Variants in CCDC3 observed in about 807,000 individuals in gnomAD.
The protein encoded by CCDC3 is coiled-coil domain containing 3.
CCDC3 carries 24 observed loss-of-function variants against 21.4 expected under a neutral mutation model. The ratio of observed to expected loss-of-function variants is 1.12; its 90% CI spans 0.81 to 1.58. CCDC3 has a LOEUF of 1.58. CCDC3 is among the 40% of genes most tolerant of loss of function. The pLI, the probability that CCDC3 is intolerant of heterozygous loss-of-function variation, is 0.00. For missense variants in CCDC3, 425 were observed against 360.9 expected, an observed-to-expected ratio of 1.18 and a Z score of -1.44; for synonymous variants, 186 against 166.0, an observed-to-expected ratio of 1.12 and a Z score of -0.93.
chr10:13,088,289 A>T (rs964663031), intron 3 of CCDC3, among the ~76,000 whole-genome samples: 7 of 151,922 alleles, frequency 4.6e-5, no homozygotes, highest in Admixed American at 2.0e-4. Context: ...GAGAAGGATA[A>T]AAAAAAATTA....
At chr10:12,985,957 G>A (rs1835583277) in intron 2 of CCDC3, among the ~76,000 whole-genome samples, 1 of 152,164 alleles carries the variant, frequency 6.6e-6, no homozygotes, top group East Asian at 1.9e-4. Flanking sequence ...CTCACTGCAA[G>A]CTCCGCCTCC....
At chr10:12,984,567 A>T (rs780638081) in intron 2 of CCDC3, among the ~76,000 whole-genome samples, 3 of 152,172 alleles carry the variant, frequency 2.0e-5, no homozygotes, top group Non-Finnish European at 4.4e-5. Flanking sequence ...TTACACACCC[A>T]TGAAAAATGA....
chr10:13,008,079 T>G (rs910925754), intron 5 of CCDC3, among the ~76,000 whole-genome samples: 5 of 152,014 alleles, frequency 3.3e-5, no homozygotes, highest in African/African-American at 1.2e-4. Flanking sequence ...GCCTGTCATG[T>G]GGTCTCAGGC....
At chr10:13,013,926 G>C (rs372520874) in intron 5 of CCDC3, among the ~76,000 whole-genome samples, 3 of 151,952 alleles carry the variant, frequency 2.0e-5, no homozygotes, top group East Asian at 3.9e-4. Context: ...CGAGGCAGGG[G>C]GATCACTTGA....
At chr10:13,006,403 T>C (rs1243947768), upstream of CCDC3, among the ~76,000 whole-genome samples, 1 of 152,210 alleles carries the variant, frequency 6.6e-6, no homozygotes, top group African/African-American at 2.4e-5. Context: ...ATTAAGTTCA[T>C]AGTAGTCTTC....
intron 2 of CCDC3, among the ~76,000 whole-genome samples, chr10:12,956,591 G>T (rs946612911): frequency 2.0e-5 from 3 of 152,162 alleles, no homozygotes; most frequent in African/African-American, 4.8e-5. Flanking sequence ...TCTTTTGCCT[G>T]GAGCTTCTGT....
intron 2 of CCDC3, among the ~76,000 whole-genome samples, chr10:12,910,950 T>C (rs147972421): frequency 1.6e-4 from 24 of 152,342 alleles, no homozygotes; most frequent in African/African-American, 5.3e-4. Context: ...CCCCAGTGCA[T>C]AGTTGCGGCC....
intron 2 of CCDC3, among the ~76,000 whole-genome samples, chr10:12,913,894 A>G: frequency 6.6e-6 from 1 of 152,210 alleles, no homozygotes; most frequent in Admixed American, 6.5e-5. Context: ...TTTATAGATT[A>G]GTGTATGTTG....
intron 5 of CCDC3, among the ~76,000 whole-genome samples, chr10:13,007,137 A>C (rs1426206939): frequency 2.0e-5 from 3 of 152,196 alleles, no homozygotes; most frequent in Non-Finnish European, 2.9e-5. Flanking sequence ...GAGATGTTCA[A>C]GGATGCAGTA....
intron 3 of CCDC3, among the ~76,000 whole-genome samples, chr10:13,074,322 C>A (rs1588415879): frequency 1.6e-5 from 2 of 123,634 alleles, no homozygotes; most frequent in African/African-American, 3.1e-5. Flanking sequence ...CATATCCCGG[C>A]TAATTTTTTT....
rs574091086 is a variant in CCDC3 at position 13,015,443 on chromosome 10, C to T, written c.-1-16931G>A. ...ACTACCCTGGGTCTTCTGGCATTGA[C>T]GATGGGAGAGCTGCCAGTCATCACA... On this transcript the variant is annotated intron_variant, in intron 5 of 6. Coordinates refer to the CCDC3 transcript ENST00000378839. 2.6e-5 allele frequency among the ~76,000 whole-genome samples: 4 copies of T among 152,142 alleles called. No individual in the cohort carries two copies. The East Asian group carries it at 5.8e-4, about 22-fold the overall frequency.
intron 2 of CCDC3, among the ~76,000 whole-genome samples, chr10:12,909,365 T>A (rs931432129): frequency 7.9e-5 from 12 of 152,172 alleles, no homozygotes; most frequent in African/African-American, 2.9e-4. Flanking sequence ...CCTGATGATG[T>A]TATCTTCTCC....
chr10:13,010,815 C>A (rs1253351286), intron 5 of CCDC3, among the ~76,000 whole-genome samples: 1 of 152,188 alleles, frequency 6.6e-6, no homozygotes, highest in Non-Finnish European at 1.5e-5. Flanking sequence ...ATGCATGAAT[C>A]AGGTGACAGA....
At chr10:12,974,619 T>C (rs1302695445) in intron 2 of CCDC3, among the ~76,000 whole-genome samples, 3 of 152,214 alleles carry the variant, frequency 2.0e-5, no homozygotes, top group African/African-American at 4.8e-5. Context: ...CAGGACTGAC[T>C]GAATTCAAGT....
intron 2 of CCDC3, among the ~76,000 whole-genome samples, chr10:12,974,173 AT>A (rs1482625382): frequency 4.6e-5 from 7 of 152,234 alleles, no homozygotes; most frequent in Non-Finnish European, 1.0e-4. Context: ...ACATAATGAA[AT>A]TTGCTGGATA....
In CCDC3 at chr10:12,977,711, T is replaced by C. The variant is rs574220740; in HGVS notation, c.549+20627A>G. 7.9e-5 allele frequency among the ~76,000 whole-genome samples: 12 copies of C among 152,298 alleles called. No homozygotes were observed. The South Asian group carries it at 1.0e-3, about 13-fold the overall frequency. ...GACTTTAGAAGCAGTTTTCAAACCATAGGAAAGATTTATTGCCAACTTCAT... is the reference window on the plus strand; with the variant it reads ...GACTTTAGAAGCAGTTTTCAAACCACAGGAAAGATTTATTGCCAACTTCAT... On this transcript the variant is annotated intron_variant, in intron 2 of 2. Transcript: ENST00000378825.
At chr10:12,947,108 A>G (rs1480261698) in intron 2 of CCDC3, among the ~76,000 whole-genome samples, 3 of 150,526 alleles carry the variant, frequency 2.0e-5, no homozygotes, top group Non-Finnish European at 4.4e-5. Context: ...GTAGTTTCAA[A>G]GTAATGTAAC....
intron 2 of CCDC3, among the ~76,000 whole-genome samples, chr10:12,925,492 G>A (rs563935007): frequency 6.0e-4 from 91 of 152,312 alleles, no homozygotes; most frequent in South Asian, 2.5e-3. Flanking sequence ...CCCCACAAGC[G>A]GCCAGTCTGC....
rs189844787 is a variant in CCDC3 at position 12,950,416 on chromosome 10, A to G, written c.549+47922T>C. On this transcript the variant is annotated intron_variant, in intron 2 of 2. Transcript: ENST00000378825. ...ATGCTCTTCCCAGGGGTTTGTTTCA[A>G]TTAAAAATACAGGCATCTGCTGGGA... Among the ~76,000 whole-genome samples the G allele has an allele frequency of 2.1e-3, 320 of 152,300 alleles. 2 individuals are homozygous for G. Among genetic ancestry groups the G allele is most frequent in the African/African-American group, 7.3e-3 (305 of 41,562 alleles).
Sources: gnomAD v4.1 joint callset for allele counts (sites outside exome capture counted in the v4.1 genomes callset) on GRCh38, gnomAD v4.1.1 for gene constraint, MANE v1.5 for transcripts, NCBI Gene and HGNC (gene_info 2026-07-23, HGNC 2026-07-21) for gene names.